The following NAA25 variants were observed in gnomAD, a reference collection of about 807,000 sequenced individuals.
The protein encoded by NAA25 is N-alpha-acetyltransferase 25, NatB auxiliary subunit.
In NAA25, 30 loss-of-function variants were observed where a neutral mutation model predicts 132.5. The ratio of observed to expected loss-of-function variants is 0.23; its 90% confidence interval spans 0.17 to 0.31. The LOEUF is 0.31. NAA25 is among the 10% of genes least tolerant of loss of function. NAA25 has a pLI of 1.00. For synonymous variants in NAA25, 359 were observed against 401.9 expected (o/e 0.89, Z 1.28); for missense variants, 771 against 1,150.4 (o/e 0.67, Z 4.77).
intron 4 of NAA25, among the ~76,000 whole-genome samples, chr12:112,086,073 T>TATATATATATATATATACACACACAC (rs759148501): frequency 5.6e-5 from 3 of 53,988 alleles, no homozygotes; most frequent in Non-Finnish European, 8.4e-5. Context: ...TATATATATA[T>TATATATATATATATATACACACACAC]ACACACACAC....
At chr12:112,077,115 A>G (rs1222197939) in intron 7 of NAA25, among the ~76,000 whole-genome samples, 1 of 152,126 alleles carries the variant, frequency 6.6e-6, no homozygotes, top group Non-Finnish European at 1.5e-5. Context: ...CAGTTATTAA[A>G]GGAGTGAGGT....
chr12:112,065,551 T>G (rs1593787903), intron 11 of NAA25: 1 of 149,748 alleles, frequency 6.7e-6, no homozygotes, highest in Admixed American at 6.7e-5. Context: ...TAATCCCAGC[T>G]ACTGGGGAGG....
At chr12:112,057,757 G>A (rs1189585865) in intron 13 of NAA25, among the ~76,000 whole-genome samples, 3 of 152,200 alleles carry the variant, frequency 2.0e-5, no homozygotes, top group East Asian at 1.9e-4. Flanking sequence ...TTGGGAGGCC[G>A]AGGTGGGTGG....
intron 13 of NAA25, among the ~76,000 whole-genome samples, chr12:112,059,118 A>G (rs1250237663): frequency 8.0e-6 from 1 of 125,168 alleles, no homozygotes; most frequent in Non-Finnish European, 1.7e-5. Flanking sequence ...AAAAAAAAAA[A>G]AAAAACTAGC....
chr12:112,094,860 A>G (rs536080975), intron 1 of NAA25, among the ~76,000 whole-genome samples: 2 of 152,042 alleles, frequency 1.3e-5, no homozygotes, highest in Admixed American at 6.6e-5. Context: ...AGGTTTCACT[A>G]TGTTGGCCAG....
intron 1 of NAA25, among the ~76,000 whole-genome samples, chr12:112,105,174 G>A (rs1313259591): frequency 1.3e-5 from 2 of 151,840 alleles, no homozygotes; most frequent in African/African-American, 4.8e-5. Flanking sequence ...ACAAAAATTA[G>A]CCAGGCGTGG....
At chr12:112,105,735 G>A (rs946688316) in intron 1 of NAA25, among the ~76,000 whole-genome samples, 8 of 152,208 alleles carry the variant, frequency 5.3e-5, no homozygotes, top group Non-Finnish European at 1.2e-4. Context: ...TGATGCTACT[G>A]AATCTGAACT....
chr12:112,090,944 C>A, intron 2 of NAA25, 80 bp from the exon 3 acceptor site: 2 of 1,401,420 alleles, frequency 1.4e-6, no homozygotes, highest in South Asian at 1.3e-5. Context: ...TCTGAAAGAA[C>A]AAGTATTAAG....
At chr12:112,095,738 G>A (rs769217754) in intron 1 of NAA25, among the ~76,000 whole-genome samples, 2 of 151,826 alleles carry the variant, frequency 1.3e-5, no homozygotes, top group Non-Finnish European at 2.9e-5. Flanking sequence ...ATCTGAAAAG[G>A]CTATATACTA....
At chr12:112,107,174 C>T (rs1384753231) in intron 1 of NAA25, among the ~76,000 whole-genome samples, 2 of 151,952 alleles carry the variant, frequency 1.3e-5, no homozygotes, top group Non-Finnish European at 2.9e-5. Context: ...GCAGGAGAAT[C>T]GCTTGAACCT....
At chr12:112,074,399 G>T (rs777348570) in intron 9 of NAA25, among the ~76,000 whole-genome samples, 2 of 150,060 alleles carry the variant, frequency 1.3e-5, no homozygotes, top group Non-Finnish European at 3.0e-5. Flanking sequence ...CATAAAGATG[G>T]AAATAAATCT....
chr12:112,059,417 T>C (rs1431698208), intron 13 of NAA25, among the ~76,000 whole-genome samples: 1 of 152,202 alleles, frequency 6.6e-6, no homozygotes, highest in Admixed American at 6.5e-5. Flanking sequence ...TAAAGTTATT[T>C]ATTCTCCAAA....
Position 112,074,747 on chromosome 12 carries a change from A to T in NAA25, c.794T>A (p.Phe265Tyr). The stretch of plus-strand genomic sequence containing the variant: ...GACAGAATCGAAATAAGTCAGATAG[A>T]ACTGCCAGTCATCTGAGCTAAAATC... ...LLLKNSDDWQFYLTYFDSVFR... is the reference protein window; with the variant it reads ...LLLKNSDDWQYYLTYFDSVFR... Residue 265 changes from phenylalanine (F) to tyrosine (Y), a missense_variant, in exon 9 of 24, where the codon TTC becomes TAC. Phe to Tyr is a conservative substitution (Grantham distance 22). This residue lies in a region of NAA25 where 417 missense variants were observed against 733.8 expected (regional missense o/e 0.57). Coordinates refer to ENST00000261745, the MANE Select transcript of NAA25 (RefSeq NM_024953.4). 6.2e-7 allele frequency: 1 copy of T among 1,611,254 alleles called. No individual in the cohort carries two copies. The highest frequency in any genetic ancestry group is 1.1e-5 in the South Asian group (1 of 90,380).
At chr12:112,082,779 CA>C (rs1224252949) in intron 4 of NAA25, among the ~76,000 whole-genome samples, 3 of 22,776 alleles carry the variant, frequency 1.3e-4, no homozygotes. Flanking sequence ...AACATGGTGG[CA>C]GGGGGCGGGG....
rs187102511 is a variant in NAA25, at chr12:112,083,959, C to T, written c.403-2825G>A. Among the ~76,000 whole-genome samples the T allele has an allele frequency of 2.6e-5, 4 of 152,166 alleles. No individual in the cohort carries two copies. In the East Asian group the frequency reaches 7.7e-4, roughly 29 times the overall value. ...GGGAAAACATTTTTACAATGACATA[C>T]AGAGATAAAAATATATAACATTAGA... On this transcript the variant is annotated intron_variant, in intron 4 of 23. Transcript: ENST00000261745.
At chr12:112,083,852 T>C (rs1432829643) in intron 4 of NAA25, among the ~76,000 whole-genome samples, 4 of 152,068 alleles carry the variant, frequency 2.6e-5, no homozygotes, top group Non-Finnish European at 2.9e-5. Context: ...CTGGGAAACA[T>C]AGCGAAATCC....
chr12:112,045,911 T>C (rs573474100), intron 17 of NAA25, among the ~76,000 whole-genome samples: 2 of 152,336 alleles, frequency 1.3e-5, no homozygotes, highest in African/African-American at 2.4e-5. Flanking sequence ...ATAGTATGTA[T>C]GCAACTTAAG....
In NAA25 at chr12:112,029,733, G is replaced by A; in HGVS notation, c.2797-80C>T. On this transcript the variant is annotated intron_variant, in intron 23 of 23. Coordinates refer to ENST00000261745, the MANE Select transcript of NAA25 (RefSeq NM_024953.4). ...TTCTAGTTCTCAGATAAAAGTTAAAGCTGCCATTACCTTTGGTCTCATTGC... is the reference window on the plus strand; with the variant it reads ...TTCTAGTTCTCAGATAAAAGTTAAAACTGCCATTACCTTTGGTCTCATTGC... 11 of 1,556,474 alleles carry A rather than the reference G, an allele frequency of 7.1e-6. No individual in the cohort carries two copies. In the South Asian group the frequency reaches 1.2e-4, roughly 17 times the overall value.
In NAA25 at chr12:112,055,950, A is replaced by T. The variant is rs976852976; in HGVS notation, c.1448-1382T>A. On this transcript the variant is annotated intron_variant, in intron 13 of 23. Coordinates refer to ENST00000261745, the MANE Select transcript of NAA25 (RefSeq NM_024953.4). ...CATAGTAGCTCATGCCTGTAATCCC[A>T]GCAGTTTGGGAGGACAAGGCAGGGA... Among the ~76,000 whole-genome samples, 10 of 152,364 alleles carry T rather than the reference A, an allele frequency of 6.6e-5. 1 individual carries two copies. Among genetic ancestry groups the T allele is most frequent in the African/African-American group, 2.4e-4 (10 of 41,594 alleles).
Sources: gnomAD v4.1 joint callset for allele counts (sites outside exome capture counted in the v4.1 genomes callset) on GRCh38, gnomAD v4.1.1 for gene constraint, gnomAD v4.1.1 regional missense constraint, MANE v1.5 for transcripts, NCBI Gene and HGNC (gene_info 2026-07-23, HGNC 2026-07-21) for gene names.